The following PSPC1 variants were observed in gnomAD, a reference collection of about 807,000 sequenced individuals.
The protein encoded by PSPC1 is paraspeckle component 1.
A neutral mutation model predicts 51.6 loss-of-function variants in PSPC1; 14 were observed. The observed-to-expected ratio is 0.27, with a 90% CI of 0.18 to 0.42. PSPC1 has a LOEUF of 0.42. Ranked by LOEUF, PSPC1 falls within the 10% of genes least tolerant of loss-of-function variation. The probability of loss-of-function intolerance (pLI) is 1.00; values close to 1 mark genes in which losing one functional copy is unlikely to be tolerated. For synonymous variants in PSPC1, 193 were observed against 231.9 expected, an observed-to-expected ratio of 0.83 and a Z score of 1.53; for missense variants, 406 against 701.1, an observed-to-expected ratio of 0.58 and a Z score of 4.75.
intron 1 of PSPC1, among the ~76,000 whole-genome samples, chr13:19,776,607 A>C (rs998862211): frequency 6.6e-6 from 1 of 151,548 alleles, no homozygotes; most frequent in Non-Finnish European, 1.5e-5. Context: ...TCCTGGGTTC[A>C]CGCCATTCTC....
At chr13:19,698,392 A>AT (rs1416703082), downstream of PSPC1, among the ~76,000 whole-genome samples, 1 of 152,006 alleles carries the variant, frequency 6.6e-6, no homozygotes, top group Non-Finnish European at 1.5e-5. Flanking sequence ...GCATTTAAAA[A>AT]ATATAAGGTC....
intron 6 of PSPC1, among the ~76,000 whole-genome samples, chr13:19,691,476 T>C (rs1207618259): frequency 1.3e-5 from 2 of 152,062 alleles, no homozygotes; most frequent in Non-Finnish European, 2.9e-5. Context: ...TGAGCTATGA[T>C]ACACCACTGC....
Position 19,782,431 on chromosome 13 carries a change from G to T in PSPC1, c.327C>A (p.Ser109Arg), listed in dbSNP as rs1566067671. Residue 109 changes from serine to arginine, a missense_variant, in exon 1 of 9, where the codon AGC becomes AGA. Coordinates refer to ENST00000338910, the MANE Select transcript of PSPC1 (RefSeq NM_001354909.2). The surrounding 1 kb of genome is among the most constrained non-coding windows in gnomAD (Gnocchi z 4.5). ...CACGGTCCCGGTTGATGAAGACTTC[G>T]CTGGGCTCGCCATAGCGTTCGAAGA... ...KRLFERYGEP[S>R]EVFINRDRGF... 6 of 1,608,480 alleles carry T rather than the reference G, an allele frequency of 3.7e-6. No homozygotes were observed. Among genetic ancestry groups the T allele is most frequent in the Non-Finnish European group, 5.1e-6 (6 of 1,177,392 alleles).
At chr13:19,781,446 G>C (rs1015253046) in intron 1 of PSPC1, among the ~76,000 whole-genome samples, 3 of 152,108 alleles carry the variant, frequency 2.0e-5, no homozygotes, top group Admixed American at 1.3e-4. Flanking sequence ...TAGATTAAAA[G>C]AGAGTAAGCT....
rs190567830 is a variant in PSPC1, at chr13:19,780,844, C to T, written c.372+1542G>A. 4.9e-4 allele frequency among the ~76,000 whole-genome samples: 74 copies of T among 152,234 alleles called. 2 individuals are homozygous for T. The East Asian group carries it at 0.013, about 27-fold the overall frequency. On this transcript the variant is annotated intron_variant, in intron 1 of 8. Coordinates refer to ENST00000338910, the MANE Select transcript of PSPC1 (RefSeq NM_001354909.2). Reference sequence around the variant, plus strand: ...TTAAAAAGATTTTGTATCGTCCAGACAGAGAACCCAATTTTGAAAATCAAA... The same window carrying T: ...TTAAAAAGATTTTGTATCGTCCAGATAGAGAACCCAATTTTGAAAATCAAA...
chr13:19,714,909 A>C (rs555907104), intron 6 of PSPC1, among the ~76,000 whole-genome samples: 4 of 152,322 alleles, frequency 2.6e-5, no homozygotes, highest in African/African-American at 9.6e-5. Context: ...TCTCCGTATA[A>C]AGTCAGGTCT....
chr13:19,740,082 G>A (rs564202464), intron 5 of PSPC1, among the ~76,000 whole-genome samples: 10 of 151,944 alleles, frequency 6.6e-5, no homozygotes, highest in African/African-American at 1.4e-4. Context: ...GGTGGCTCAC[G>A]CCTGTAATCC....
intron 4 of PSPC1, among the ~76,000 whole-genome samples, chr13:19,747,529 C>T (rs2138092661): frequency 6.6e-6 from 1 of 152,186 alleles, no homozygotes; most frequent in African/African-American, 2.4e-5. Flanking sequence ...GACGGGGTCT[C>T]ACTGTGTTAC....
At chr13:19,713,229 AGTT>A (rs923683804) in intron 6 of PSPC1, among the ~76,000 whole-genome samples, 2 of 152,292 alleles carry the variant, frequency 1.3e-5, no homozygotes, top group African/African-American at 2.4e-5. Context: ...AAAAATTAAG[AGTT>A]GTTGTTTAAG....
intron 4 of PSPC1, among the ~76,000 whole-genome samples, chr13:19,745,510 T>G (rs565244382): frequency 6.6e-6 from 1 of 152,174 alleles, no homozygotes; most frequent in Non-Finnish European, 1.5e-5. Context: ...GAAAACTGAA[T>G]GTATAACTTC....
intron 6 of PSPC1, among the ~76,000 whole-genome samples, chr13:19,681,670 G>T (rs895027073): frequency 1.3e-5 from 2 of 152,184 alleles, no homozygotes; most frequent in African/African-American, 4.8e-5. Flanking sequence ...TTTCCTTTCG[G>T]AGAAAGGTAT....
chr13:19,726,952 GCTATTCCCAACTACT>G (rs1883419556), intron 6 of PSPC1, among the ~76,000 whole-genome samples: 1 of 152,154 alleles, frequency 6.6e-6, no homozygotes, highest in Non-Finnish European at 1.5e-5. Context: ...AACACCTAGG[GCTATTCCCAACTACT>G]CAAATGGGAC....
At chr13:19,701,940 G>T (rs1879958321), downstream of PSPC1, among the ~76,000 whole-genome samples, 2 of 152,138 alleles carry the variant, frequency 1.3e-5, no homozygotes, top group Non-Finnish European at 2.9e-5. Flanking sequence ...TTATGACTTT[G>T]TTTTGCAATA....
rs780984201 is a variant in PSPC1, at chr13:19,717,705, CAA to C, written c.1159-8108_1159-8107del. Among the ~76,000 whole-genome samples, 592 of 72,226 alleles carry C rather than the reference CAA, an allele frequency of 8.2e-3. 5 individuals carry two copies. Among genetic ancestry groups the C allele is most frequent in the South Asian group, 0.041 (85 of 2,070 alleles). The allele number at this position is 72,226 out of a possible 152,430, so 47.4% of individuals were successfully genotyped here. A position where few individuals can be genotyped will look rare whatever the true frequency, so the allele number is the denominator to read the frequency against. ...TGGGCAACAGAGAAAGACTCTGTCT[CAA>C]AAAAAAAAAAAAAAAAAAAAAGTTA... is the stretch of plus-strand genomic sequence containing the variant. On this transcript the variant is annotated intron_variant, in intron 6 of 8. Coordinates refer to ENST00000338910, the MANE Select transcript of PSPC1 (RefSeq NM_001354909.2).
intron 5 of PSPC1, among the ~76,000 whole-genome samples, chr13:19,739,601 G>A (rs1885208313): frequency 1.3e-5 from 2 of 152,042 alleles, no homozygotes; most frequent in South Asian, 2.1e-4. Context: ...TACAAAATAA[G>A]GTGGGCATGG....
intron 6 of PSPC1, among the ~76,000 whole-genome samples, chr13:19,695,579 A>G (rs1879106665): frequency 6.6e-6 from 1 of 152,188 alleles, no homozygotes. Flanking sequence ...ATAAAGTTCT[A>G]TGGCTGCCCA....
At chr13:19,755,394 C>T (rs1301745250) in intron 3 of PSPC1, among the ~76,000 whole-genome samples, 1 of 152,052 alleles carries the variant, frequency 6.6e-6, no homozygotes, top group Non-Finnish European at 1.5e-5. Context: ...TCGAGACCAA[C>T]CTGGCCAACA....
At chr13:19,748,379 T>C (rs9579677) in intron 4 of PSPC1, among the ~76,000 whole-genome samples, 12,281 of 151,722 alleles carry the variant, frequency 0.081, 522 homozygotes, top group Middle Eastern at 0.13. Context: ...AAGCAGGGAG[T>C]AGGATTCAAC....
intron 2 of PSPC1, among the ~76,000 whole-genome samples, chr13:19,771,291 C>A (rs1888601902): frequency 6.6e-6 from 1 of 152,140 alleles, no homozygotes; most frequent in Non-Finnish European, 1.5e-5. Context: ...GCACGCAGCA[C>A]CAAGCCCGGC....
Sources: gnomAD v4.1 joint callset for allele counts (sites outside exome capture counted in the v4.1 genomes callset) on GRCh38, gnomAD v4.1.1 for gene constraint, Gnocchi (gnomAD v3.1) non-coding constraint, MANE v1.5 for transcripts, NCBI Gene and HGNC (gene_info 2026-07-23, HGNC 2026-07-21) for gene names.